Variants in MACROH2A2 observed in about 807,000 individuals in gnomAD.
MACROH2A2 encodes core histone macro-H2A.2.
MACROH2A2 carries 6 observed loss-of-function variants against 37.6 expected under a neutral mutation model. The observed-to-expected ratio is 0.16, with a 90% confidence interval of 0.09 to 0.32. The LOEUF (loss-of-function observed/expected upper bound fraction) is 0.32. Among genes scored for constraint, MACROH2A2 ranks in the 10% least tolerant of loss-of-function variants. The pLI is 1.00. For synonymous variants in MACROH2A2, 192 were observed against 202.7 expected, an observed-to-expected ratio of 0.95 and a Z score of 0.45; for missense variants, 290 against 485.9, an observed-to-expected ratio of 0.60 and a Z score of 3.79.
At chr10:70,098,296 G>A (rs1055377262) in intron 6 of MACROH2A2, 1 of 140,864 alleles carries the variant, frequency 7.1e-6, no homozygotes, top group Non-Finnish European at 1.5e-5. Flanking sequence ...GAGAGGGAGG[G>A]AGGGAGGGAA....
chr10:70,080,453 G>A (rs2072169215), intron 2 of MACROH2A2, among the ~76,000 whole-genome samples: 1 of 152,086 alleles, frequency 6.6e-6, no homozygotes, highest in African/African-American at 2.4e-5. Flanking sequence ...ATGTCCAAGA[G>A]GGCTGGGCAG....
intron 7 of MACROH2A2, among the ~76,000 whole-genome samples, chr10:70,106,172 G>A (rs1187459439): frequency 1.3e-5 from 2 of 152,202 alleles, no homozygotes; most frequent in African/African-American, 4.8e-5. Flanking sequence ...TGGCTCACCT[G>A]GGGGAAGGTT....
intron 2 of MACROH2A2, among the ~76,000 whole-genome samples, chr10:70,088,173 A>G (rs2072222501): frequency 1.3e-5 from 2 of 151,548 alleles, no homozygotes; most frequent in Admixed American, 1.3e-4. Context: ...ACGCACACAC[A>G]CGCACACATA....
chr10:70,099,534 G>A (rs989278020), intron 6 of MACROH2A2: 2 of 152,274 alleles, frequency 1.3e-5, no homozygotes, highest in African/African-American at 4.8e-5. Flanking sequence ...TCAGAGACAT[G>A]AGAGCTGGAT....
chr10:70,092,446 A>C lies in MACROH2A2; in HGVS notation c.477+492A>C, dbSNP rs146269474. Among the ~76,000 whole-genome samples the C allele has an allele frequency of 5.0e-3, 766 of 152,300 alleles. 6 individuals carry two copies. Among genetic ancestry groups the C allele is most frequent in the South Asian group, 0.022 (105 of 4,822 alleles). On this transcript the variant is annotated intron_variant, in intron 4 of 8. Transcript: ENST00000373255. ...AGACCCTGTCTCTTAAACAAACAAA[A>C]AAAAAAGAAAGTGGTTTCTGTTGTT...
In MACROH2A2 at chr10:70,111,602, G is replaced by A; in HGVS notation, c.1038G>A (p.Leu346=). The A allele has an allele frequency of 6.2e-7, 1 of 1,613,864 alleles. No homozygotes were observed. Among genetic ancestry groups the A allele is most frequent in the Admixed American group, 1.7e-5 (1 of 59,972 alleles). ...AHFDDSSASS[L]KNVYFLLFDS... Reference sequence around the variant, plus strand: ...TTGATGACTCGAGCGCGTCCTCGCTGAAGAACGTGTACTTCCTGCTCTTCG... The same window carrying A: ...TTGATGACTCGAGCGCGTCCTCGCTAAAGAACGTGTACTTCCTGCTCTTCG... The change falls in exon 9 of 9, where the codon CTG becomes CTA. Residue 346 remains leucine (L), a synonymous_variant. Transcript: ENST00000373255.
chr10:70,088,723 A>C (rs1027931035), intron 2 of MACROH2A2, among the ~76,000 whole-genome samples: 3 of 152,158 alleles, frequency 2.0e-5, no homozygotes, highest in Non-Finnish European at 4.4e-5. Context: ...TTTCGGGTTA[A>C]CCATTTCCTC....
chr10:70,089,216 A>G (rs984168287), intron 2 of MACROH2A2, among the ~76,000 whole-genome samples: 1 of 152,212 alleles, frequency 6.6e-6, no homozygotes, highest in African/African-American at 2.4e-5. Flanking sequence ...ACAGACTGAG[A>G]GGAATTTAGG....
At chr10:70,090,249 C>T (rs1020112963) in intron 3 of MACROH2A2, 83 bp downstream of exon 3, 10 of 839,146 alleles carry the variant, frequency 1.2e-5, no homozygotes, top group Middle Eastern at 2.4e-4. Flanking sequence ...ATGAGTCACT[C>T]CTGCTACAGT....
intron 7 of MACROH2A2, among the ~76,000 whole-genome samples, chr10:70,104,540 T>C (rs2072325569): frequency 6.6e-6 from 1 of 151,958 alleles, no homozygotes; most frequent in South Asian, 2.1e-4. Context: ...CTGGGCGTGG[T>C]GGTGGGTGCC....
intron 1 of MACROH2A2, among the ~76,000 whole-genome samples, chr10:70,067,440 G>A (rs2072085781): frequency 6.6e-6 from 1 of 152,040 alleles, no homozygotes; most frequent in African/African-American, 2.4e-5. Flanking sequence ...TTCCGATGCT[G>A]GACCACAGAG....
intron 2 of MACROH2A2, 93 bp from the exon 3 acceptor site, chr10:70,089,967 G>C: frequency 6.2e-6 from 5 of 812,288 alleles, no homozygotes; most frequent in Non-Finnish European, 1.1e-5. Context: ...ACAAATGAAT[G>C]AATGTGATCA....
rs10999142 is a variant in MACROH2A2, at chr10:70,107,198, G to A, written c.779-1835G>A. On this transcript the variant is annotated intron_variant, in intron 7 of 8. Transcript: ENST00000373255. This position sits in a 1 kb window ranked among gnomAD's most constrained non-coding sequence, Gnocchi z 4.4. ...ACTGAGCCCCGTCTAGGCACTGGAA[G>A]GCAGGGAGCCTACAGCCTCCCCTGA... is the stretch of plus-strand genomic sequence containing the variant. Among the ~76,000 whole-genome samples the A allele has an allele frequency of 0.029, 4,367 of 152,306 alleles. 256 individuals carry two copies. The highest frequency in any genetic ancestry group is 0.19 in the East Asian group (999 of 5,166).
In MACROH2A2 at chr10:70,111,876, G is replaced by A. The variant is rs2072378135; in HGVS notation, c.*193G>A. 1.2e-5 allele frequency: 5 copies of A among 411,358 alleles called. No homozygotes were observed. The highest frequency in any genetic ancestry group is 8.6e-5 in the South Asian group (1 of 11,604). The allele number at this position is 411,358 out of a possible 1,614,324, so 25.5% of individuals were successfully genotyped here. ...TCCATCTGTAAGGAAGCAGGTCTCC[G>A]CGAGGGGTTTCTTTCCATGTGTTTT... On this transcript the variant is annotated 3_prime_UTR_variant, in exon 9 of 9. Coordinates refer to ENST00000373255, the MANE Select transcript of MACROH2A2 (RefSeq NM_018649.3).
At chr10:70,057,390 C>T (rs1356471076) in intron 1 of MACROH2A2, among the ~76,000 whole-genome samples, 7 of 150,358 alleles carry the variant, frequency 4.7e-5, no homozygotes, top group Non-Finnish European at 1.0e-4. Flanking sequence ...TGATTGATCA[C>T]TCAAGTCCCT....
At position 70,102,726 on chromosome 10, in the gene MACROH2A2, A is replaced by AG. The variant is rs1564547670; in HGVS notation, c.778+2430dup. Among the ~76,000 whole-genome samples the AG allele has an allele frequency of 2.0e-5, 3 of 152,098 alleles. No homozygotes were observed. In the South Asian group the frequency reaches 6.2e-4, roughly 32 times the overall value. On this transcript the variant is annotated intron_variant, in intron 7 of 8. Coordinates refer to ENST00000373255, the MANE Select transcript of MACROH2A2 (RefSeq NM_018649.3). ...AGAAAGATTCTGTCTCAAAAAAAAA[A>AG]GAAAAAAGAAGAAAAGAAAAAAGTA...
At chr10:70,072,926 C>T (rs1385033269) in intron 1 of MACROH2A2, among the ~76,000 whole-genome samples, 11 of 152,152 alleles carry the variant, frequency 7.2e-5, no homozygotes, top group African/African-American at 2.4e-4. Context: ...CACTGCACTC[C>T]AGCCTAGGGG....
At position 70,075,782 on chromosome 10, in the gene MACROH2A2, A is replaced by G; in HGVS notation, c.124A>G (p.Ser42Gly). ...LKKGTFKYRI[S>G]VGAPVYMAAV... is the part of the protein sequence containing the mutation. ...GAAAGGGACGTTCAAGTACCGGATC[A>G]GCGTGGGCGCCCCTGTCTACATGGC... Residue 42 changes from serine to glycine, a missense_variant, in exon 2 of 9, where the codon AGC becomes GGC. Ser to Gly is a moderately conservative substitution (Grantham distance 56, BLOSUM62 0). This residue lies in a region of MACROH2A2 where 83 missense variants were observed against 159.9 expected (regional missense o/e 0.52). Transcript: ENST00000373255. The surrounding 1 kb of genome is among the most constrained non-coding windows in gnomAD (Gnocchi z 5.0). The G allele has an allele frequency of 6.2e-7, 1 of 1,614,040 alleles. No individual in the cohort carries two copies. Among genetic ancestry groups the G allele is most frequent in the Non-Finnish European group, 8.5e-7 (1 of 1,180,020 alleles).
At chr10:70,082,438 GAAAA>G (rs1442867427) in intron 2 of MACROH2A2, among the ~76,000 whole-genome samples, 7 of 150,990 alleles carry the variant, frequency 4.6e-5, no homozygotes, top group Non-Finnish European at 8.9e-5. Context: ...AAAGAAAAAA[GAAAA>G]GAAAGAAAGA....
Sources: gnomAD v4.1 joint callset for allele counts (sites outside exome capture counted in the v4.1 genomes callset) on GRCh38, gnomAD v4.1.1 for gene constraint, gnomAD v4.1.1 regional missense constraint, Gnocchi (gnomAD v3.1) non-coding constraint, MANE v1.5 for transcripts, NCBI Gene and HGNC (gene_info 2026-07-23, HGNC 2026-07-21) for gene names.